The following GALNT15 variants were observed in gnomAD, a reference collection of about 807,000 sequenced individuals.
The protein encoded by GALNT15 is polypeptide N-acetylgalactosaminyltransferase 15, also known as UDP-GalNAc transferase T15.
A neutral mutation model predicts 66.8 loss-of-function variants in GALNT15; 67 were observed. The observed-to-expected ratio is 1.00, with a 90% CI of 0.82 to 1.23. The LOEUF is 1.23. GALNT15 is among the 50% of genes most tolerant of loss of function. The pLI, the probability that GALNT15 is intolerant of heterozygous loss-of-function variation, is 0.00. For missense variants in GALNT15, 827 were observed against 804.3 expected, an observed-to-expected ratio of 1.03 and a Z score of -0.34; for synonymous variants, 313 against 311.5, an observed-to-expected ratio of 1.00 and a Z score of -0.05.
chr3:16,198,865 C>T (rs1376250568), intron 2 of GALNT15, among the ~76,000 whole-genome samples: 1 of 141,902 alleles, frequency 7.0e-6, no homozygotes, highest in Admixed American at 7.2e-5. Flanking sequence ...TAACCTTCTC[C>T]AGCCTCCCCA....
At chr3:16,197,605 C>G (rs191692474) in intron 2 of GALNT15, among the ~76,000 whole-genome samples, 13 of 152,158 alleles carry the variant, frequency 8.5e-5, no homozygotes, top group African/African-American at 3.1e-4. Flanking sequence ...CCTGAGCCAC[C>G]TTGATGGGCT....
rs2064067065 is a variant in GALNT15, at chr3:16,230,048, G to C, written c.*2548G>C. ...ATCCATAATGATCAATTTAAAAGTA[G>C]AGAAACTTGTCAGTTGAGAGATCTG... On this transcript the variant is annotated 3_prime_UTR_variant, in exon 10 of 10. Transcript: ENST00000339732. The surrounding 1 kb of genome is among the most constrained non-coding windows in gnomAD (Gnocchi z 4.5). 1.3e-5 allele frequency among the ~76,000 whole-genome samples: 2 copies of C among 152,156 alleles called. No individual in the cohort carries two copies. The highest frequency in any genetic ancestry group is 6.5e-5 in the Admixed American group (1 of 15,274).
rs980126964 is a variant in GALNT15, at chr3:16,227,263, T to C, written c.1774-91T>C. On this transcript the variant is annotated intron_variant, in intron 9 of 9. Coordinates refer to ENST00000339732, the MANE Select transcript of GALNT15 (RefSeq NM_054110.5). This position sits in a 1 kb window ranked among gnomAD's most constrained non-coding sequence, Gnocchi z 4.5. ...CCAGTTCACACCATCTGTTATTCTCTTAATGATTAGCACAAATCTTAAAAA... is the reference window on the plus strand; with the variant it reads ...CCAGTTCACACCATCTGTTATTCTCCTAATGATTAGCACAAATCTTAAAAA... 27 of 1,351,724 alleles carry C rather than the reference T, an allele frequency of 2.0e-5. No individual in the cohort carries two copies. The highest frequency in any genetic ancestry group is 4.4e-5 in the African/African-American group (3 of 68,448). 83.7% of individuals were successfully genotyped at this position (1,351,724 alleles called of 1,614,324 possible).
chr3:16,209,493 G>A lies in GALNT15; in HGVS notation c.1079+823G>A, dbSNP rs1265425249. ...TATTCACAATTGCAAAATCCAAAAA[G>A]CTCTAAAAACCAAACATTTGTTTAA... On this transcript the variant is annotated intron_variant, in intron 4 of 9. Coordinates refer to ENST00000339732, the MANE Select transcript of GALNT15 (RefSeq NM_054110.5). This position sits in a 1 kb window ranked among gnomAD's most constrained non-coding sequence, Gnocchi z 4.1. 6.6e-6 allele frequency among the ~76,000 whole-genome samples: 1 copy of A among 152,114 alleles called. No homozygotes were observed.
the GALNT15 span, among the ~76,000 whole-genome samples, chr3:16,238,384 T>C: frequency 6.6e-6 from 1 of 152,174 alleles, no homozygotes; most frequent in South Asian, 2.1e-4. The surrounding 1 kb of genome is among the most constrained non-coding windows in gnomAD (Gnocchi z 4.8). Flanking sequence ...ATTACTATGA[T>C]AATAGTAATA....
At chr3:16,214,292 G>A (rs182816608) in intron 6 of GALNT15, among the ~76,000 whole-genome samples, 33 of 152,338 alleles carry the variant, frequency 2.2e-4, no homozygotes, top group Non-Finnish European at 4.3e-4. Context: ...TCTAGACACC[G>A]ATCTAGAAGC....
chr3:16,211,042 A>G lies in GALNT15; in HGVS notation c.1080-82A>G, dbSNP rs1404866963. ...TGTTCTCTCAGCCACTGGAGCTCCCACCTGGGAAGCCCCAGCCCCCAGCCT... is the reference window on the plus strand; with the variant it reads ...TGTTCTCTCAGCCACTGGAGCTCCCGCCTGGGAAGCCCCAGCCCCCAGCCT... On this transcript the variant is annotated intron_variant, in intron 4 of 9. Transcript: ENST00000339732. This position sits in a 1 kb window ranked among gnomAD's most constrained non-coding sequence, Gnocchi z 4.3. 1.1e-5 allele frequency: 11 copies of G among 977,660 alleles called. No individual in the cohort carries two copies. The Admixed American group carries it at 1.5e-4, about 13-fold the overall frequency. 60.6% of individuals were successfully genotyped at this position (977,660 alleles called of 1,614,324 possible). A position where few individuals can be genotyped will look rare whatever the true frequency, so the allele number is the denominator to read the frequency against.
chr3:16,200,703 T>A lies in GALNT15; in HGVS notation c.791T>A (p.Ile264Asn). ...AGGAGCAACAAGAGGCTGGGTGCCA[T>A]CAGGGCCCGGATGCTGGGGGCCACC... ...LLRSNKRLGA[I>N]RARMLGATRA... The change falls in exon 3 of 10, where the codon ATC (isoleucine) becomes AAC (asparagine). Residue 264 changes from isoleucine (I) to asparagine (N), a missense_variant. Coordinates refer to ENST00000339732, the MANE Select transcript of GALNT15 (RefSeq NM_054110.5). The surrounding 1 kb of genome is among the most constrained non-coding windows in gnomAD (Gnocchi z 4.4). The A allele has an allele frequency of 1.9e-6, 3 of 1,610,642 alleles. No homozygotes were observed. Among genetic ancestry groups the A allele is most frequent in the Middle Eastern group, 1.7e-4 (1 of 6,048 alleles).
downstream of GALNT15, among the ~76,000 whole-genome samples, chr3:16,230,579 C>CA (rs3215233): frequency 1.2e-3 from 172 of 140,184 alleles, 1 homozygote; most frequent in East Asian, 0.025. The surrounding 1 kb of genome is among the most constrained non-coding windows in gnomAD (Gnocchi z 4.5). Flanking sequence ...AAAAAGCATT[C>CA]AAAAAAAAAG....
At chr3:16,214,094 G>A (rs1346055573) in intron 6 of GALNT15, among the ~76,000 whole-genome samples, 1 of 152,216 alleles carries the variant, frequency 6.6e-6, no homozygotes, top group Non-Finnish European at 1.5e-5. Context: ...TAAACAGAGT[G>A]GCACTGGCTC....
In GALNT15 at chr3:16,186,906, G is replaced by A. The variant is rs1335252809; in HGVS notation, c.540-8854G>A. The stretch of plus-strand genomic sequence containing the variant: ...CCTTTATACTTGAATCCATGGAATT[G>A]TACACTTTATAAAGGTGGACATTAT... On this transcript the variant is annotated intron_variant, in intron 1 of 9. Coordinates refer to ENST00000339732, the MANE Select transcript of GALNT15 (RefSeq NM_054110.5). The surrounding 1 kb of genome is among the most constrained non-coding windows in gnomAD (Gnocchi z 5.1). Among the ~76,000 whole-genome samples the A allele has an allele frequency of 6.6e-6, 1 of 152,124 alleles. No individual in the cohort carries two copies. The highest frequency in any genetic ancestry group is 1.5e-5 in the Non-Finnish European group (1 of 68,014).
At chr3:16,212,474 G>C in intron 5 of GALNT15, 95 bp from the exon 6 acceptor site, 1 of 1,128,182 alleles carries the variant, frequency 8.9e-7, no homozygotes, top group Non-Finnish European at 1.3e-6. Flanking sequence ...ACGATTTCCT[G>C]TGCATTTTGC....
chr3:16,222,588 C>T (rs202197804), intron 8 of GALNT15, 27 bp from the exon 9 acceptor site: 50 of 1,613,892 alleles, frequency 3.1e-5, no homozygotes, highest in Admixed American at 1.2e-4. Context: ...TTTCTAGCTG[C>T]GCTAACAACT....
chr3:16,220,611 C>A (rs1293396485), intron 8 of GALNT15, among the ~76,000 whole-genome samples: 2 of 152,234 alleles, frequency 1.3e-5, no homozygotes, highest in Non-Finnish European at 2.9e-5. Context: ...GAAAGCCTAG[C>A]TTGTCCCCAA....
At chr3:16,239,161 C>T in the GALNT15 span, among the ~76,000 whole-genome samples, 6 of 152,132 alleles carry the variant, frequency 3.9e-5, no homozygotes, top group African/African-American at 1.4e-4. This position sits in a 1 kb window ranked among gnomAD's most constrained non-coding sequence, Gnocchi z 5.2. Flanking sequence ...ACTGAGAAAG[C>T]AAGATCTTTC....
the GALNT15 span, chr3:16,243,858 G>A: frequency 4.2e-6 from 1 of 238,668 alleles, no homozygotes; most frequent in South Asian, 1.5e-4. Flanking sequence ...TGTGCTGGGT[G>A]TTCTTATTTC....
rs779144944 is a variant in GALNT15, at chr3:16,225,215, A to G, written c.1774-2139A>G. Among the ~76,000 whole-genome samples the G allele has an allele frequency of 1.3e-5, 2 of 152,162 alleles. No homozygotes were observed. The highest frequency in any genetic ancestry group is 2.9e-5 in the Non-Finnish European group (2 of 68,020). ...AAGAACTCGCTATCAAGAAGACAGC[A>G]CGAAGCCATGAGGGATCTGTCCCCA... On this transcript the variant is annotated intron_variant, in intron 9 of 9. Transcript: ENST00000339732. This position sits in a 1 kb window ranked among gnomAD's most constrained non-coding sequence, Gnocchi z 4.4.
intron 6 of GALNT15, among the ~76,000 whole-genome samples, chr3:16,214,263 G>T (rs1486121131): frequency 6.6e-6 from 1 of 152,206 alleles, no homozygotes; most frequent in African/African-American, 2.4e-5. Flanking sequence ...TCTGTGGGAA[G>T]TGGAAGCATG....
intron 1 of GALNT15, among the ~76,000 whole-genome samples, chr3:16,192,024 A>G (rs982718051): frequency 6.6e-6 from 1 of 152,186 alleles, no homozygotes; most frequent in Non-Finnish European, 1.5e-5. Context: ...CAATGGGCCT[A>G]AAGGGTAATT....
Sources: gnomAD v4.1 joint callset for allele counts (sites outside exome capture counted in the v4.1 genomes callset) on GRCh38, gnomAD v4.1.1 for gene constraint, Gnocchi (gnomAD v3.1) non-coding constraint, MANE v1.5 for transcripts, NCBI Gene and HGNC (gene_info 2026-07-23, HGNC 2026-07-21) for gene names.